CARF: variants seen among roughly 807,000 people sequenced by gnomAD.
The protein encoded by CARF is calcium-responsive transcription factor.
Under a neutral mutation model 82.0 loss-of-function variants are expected in CARF, and 57 were observed. The ratio of observed to expected loss-of-function variants is 0.70; its 90% CI spans 0.56 to 0.87. The LOEUF is 0.87. CARF is among the 40% of genes least tolerant of loss of function. The pLI, the probability that CARF is intolerant of heterozygous loss-of-function variation, is 0.00. For missense variants in CARF, 771 were observed against 855.8 expected (o/e 0.90, Z 1.24); for synonymous variants, 268 against 290.1 (o/e 0.92, Z 0.77).
Position 202,985,944 on chromosome 2 carries a change from A to G in CARF, c.*2320A>G, listed in dbSNP as rs1166111081. 1.3e-5 allele frequency: 2 copies of G among 152,004 alleles called. No individual in the cohort carries two copies. The highest frequency in any genetic ancestry group is 6.6e-5 in the Admixed American group (1 of 15,260). The allele number at this position is 152,004 out of a possible 1,614,324, so 9.4% of individuals were successfully genotyped here. ...ACTTTGGTATAGTTAGAAAAATAATATTTTTCTCACTTGATTCTGTGTGAA... is the reference window on the plus strand; with the variant it reads ...ACTTTGGTATAGTTAGAAAAATAATGTTTTTCTCACTTGATTCTGTGTGAA... On this transcript the variant is annotated 3_prime_UTR_variant, in exon 17 of 17. Coordinates refer to ENST00000438828, the MANE Select transcript of CARF (RefSeq NM_024744.17).
chr2:202,932,614 A>G (rs1693140824), intron 3 of CARF, among the ~76,000 whole-genome samples: 1 of 152,076 alleles, frequency 6.6e-6, no homozygotes, highest in African/African-American at 2.4e-5. Context: ...GTCCCTGGGA[A>G]CTTGGCAGTA....
intron 13 of CARF, 44 bp downstream of exon 13, chr2:202,974,540 C>T (rs774772141): frequency 6.6e-7 from 1 of 1,513,372 alleles, no homozygotes; most frequent in South Asian, 1.2e-5. Context: ...TCTTTCTCAG[C>T]TTCTATTAAT....
At chr2:202,943,822 A>C (rs1424739157) in intron 5 of CARF, among the ~76,000 whole-genome samples, 1 of 151,468 alleles carries the variant, frequency 6.6e-6, no homozygotes, top group African/African-American at 2.4e-5. Flanking sequence ...TAGTTTTTGT[A>C]TTTTTAGTAG....
chr2:202,981,437 G>T (rs776917833), intron 14 of CARF, 118 bp from the exon 15 acceptor site: 32 of 774,170 alleles, frequency 4.1e-5, no homozygotes, highest in Non-Finnish European at 5.9e-5. Context: ...GAAGTCCTTT[G>T]CAAAACTTTG....
chr2:202,943,740 C>A (rs1456556857), intron 5 of CARF, among the ~76,000 whole-genome samples: 1 of 151,936 alleles, frequency 6.6e-6, no homozygotes, highest in Admixed American at 6.6e-5. Flanking sequence ...CTCCGCCTCC[C>A]GGGTTCAAGC....
chr2:202,935,840 A>G (rs1559205480), intron 3 of CARF, among the ~76,000 whole-genome samples: 1 of 152,176 alleles, frequency 6.6e-6, no homozygotes, highest in African/African-American at 2.4e-5. Flanking sequence ...CTTTAGGGAC[A>G]GAGTCTCACT....
intron 10 of CARF, among the ~76,000 whole-genome samples, chr2:202,967,934 A>G (rs531214146): frequency 2.6e-5 from 4 of 152,242 alleles, no homozygotes; most frequent in Non-Finnish European, 5.9e-5. Context: ...GAAAGATTTT[A>G]CAATGTCCTT....
At chr2:202,938,956 G>T (rs374921665) in intron 3 of CARF, among the ~76,000 whole-genome samples, 1 of 151,998 alleles carries the variant, frequency 6.6e-6, no homozygotes, top group Non-Finnish European at 1.5e-5. Flanking sequence ...GCCACTGTAC[G>T]TCTAATTTCA....
chr2:202,977,469 G>T, intron 14 of CARF, 137 bp downstream of exon 14: 1 of 636,816 alleles, frequency 1.6e-6, no homozygotes, highest in East Asian at 2.7e-5. Context: ...GCTATGTTAT[G>T]GTTTATCAAC....
Position 202,987,210 on chromosome 2 carries a change from T to C in CARF, c.*3586T>C, listed in dbSNP as rs901784979. On this transcript the variant is annotated 3_prime_UTR_variant, in exon 17 of 17. Transcript: ENST00000438828. ...GCCAAGCATCAACATTTTAAAACAA[T>C]GTGTGTAATAAGTAATTCTCCACGC... is the stretch of plus-strand genomic sequence containing the variant. 6.6e-6 allele frequency: 1 copy of C among 151,954 alleles called. No homozygotes were observed. Among genetic ancestry groups the C allele is most frequent in the African/African-American group, 2.4e-5 (1 of 41,364 alleles). The allele number at this position is 151,954 out of a possible 1,614,324, so 9.4% of individuals were successfully genotyped here.
intron 3 of CARF, among the ~76,000 whole-genome samples, chr2:202,930,541 C>T (rs1692695270): frequency 6.6e-6 from 1 of 152,134 alleles, no homozygotes; most frequent in South Asian, 2.1e-4. Flanking sequence ...TCATTGAATT[C>T]TTCAGCAGCA....
rs1236591613 is a variant in CARF at position 202,987,777 on chromosome 2, C to A, written c.*4153C>A. 2.0e-5 allele frequency among the ~76,000 whole-genome samples: 3 copies of A among 152,092 alleles called. No individual in the cohort carries two copies. Among genetic ancestry groups the A allele is most frequent in the Non-Finnish European group, 4.4e-5 (3 of 68,000 alleles). ...TAAAACCAGAGTACAGGGTGTGAAT[C>A]ATGTACCAGGAGGGATTTTATTTTT... On this transcript the variant is annotated 3_prime_UTR_variant, in exon 17 of 17. Transcript: ENST00000438828.
At chr2:202,931,988 A>C (rs1381468618) in intron 3 of CARF, among the ~76,000 whole-genome samples, 2 of 152,316 alleles carry the variant, frequency 1.3e-5, no homozygotes, top group East Asian at 3.9e-4. Flanking sequence ...CAGGCTGTAC[A>C]GGAAGCATTG....
intron 10 of CARF, among the ~76,000 whole-genome samples, chr2:202,967,724 A>C (rs952783276): frequency 6.6e-6 from 1 of 152,250 alleles, no homozygotes; most frequent in Non-Finnish European, 1.5e-5. Flanking sequence ...CAAGTGTTTC[A>C]GTAGGAAAAA....
At chr2:202,917,359 T>C (rs938492972) in intron 1 of CARF, among the ~76,000 whole-genome samples, 1 of 152,086 alleles carries the variant, frequency 6.6e-6, no homozygotes, top group Admixed American at 6.6e-5. Context: ...ATTTAATGCT[T>C]TAGTGTGTTT....
intron 3 of CARF, among the ~76,000 whole-genome samples, chr2:202,937,155 A>G (rs1475603464): frequency 1.3e-5 from 2 of 152,088 alleles, no homozygotes; most frequent in Admixed American, 1.3e-4. Context: ...ATTGCTCTAA[A>G]TTTCCCTCTG....
chr2:202,914,193 T>C (rs1160996732), intron 1 of CARF, among the ~76,000 whole-genome samples: 1 of 152,222 alleles, frequency 6.6e-6, no homozygotes, highest in African/African-American at 2.4e-5. Context: ...ATGTATTTAC[T>C]ATATGGTCCT....
chr2:202,931,507 G>T (rs963778381), intron 3 of CARF, among the ~76,000 whole-genome samples: 2 of 152,192 alleles, frequency 1.3e-5, no homozygotes, highest in African/African-American at 2.4e-5. Context: ...GCTGTATTAT[G>T]TTCCTTTGGT....
intron 3 of CARF, among the ~76,000 whole-genome samples, chr2:202,935,124 T>A (rs149783959): frequency 3.2e-4 from 27 of 85,250 alleles, no homozygotes; most frequent in East Asian, 1.5e-3. Context: ...ATATAATTAT[T>A]TATAATTATA....
Sources: gnomAD v4.1 joint callset for allele counts (sites outside exome capture counted in the v4.1 genomes callset) on GRCh38, gnomAD v4.1.1 for gene constraint, MANE v1.5 for transcripts, NCBI Gene and HGNC (gene_info 2026-07-23, HGNC 2026-07-21) for gene names.